The following PRTG variants were observed in gnomAD, a reference collection of about 807,000 sequenced individuals.
PRTG encodes immunoglobulin superfamily, DCC subclass, member 5.
A neutral mutation model predicts 122.5 loss-of-function variants in PRTG; 67 were observed. The ratio of observed to expected loss-of-function variants is 0.55; its 90% confidence interval spans 0.45 to 0.67. PRTG has a LOEUF of 0.67. Among genes scored for constraint, PRTG ranks in the 30% least tolerant of loss-of-function variants. The probability of loss-of-function intolerance (pLI) is 0.00; values close to 1 mark genes in which losing one functional copy is unlikely to be tolerated. For synonymous variants in PRTG, 554 were observed against 501.1 expected (o/e 1.11, Z -1.41); for missense variants, 1,435 against 1,415.4 (o/e 1.01, Z -0.22).
At chr15:55,638,332 C>T (rs535278173) in intron 14 of PRTG, among the ~76,000 whole-genome samples, 2 of 151,952 alleles carry the variant, frequency 1.3e-5, no homozygotes, top group East Asian at 1.9e-4. Context: ...TAAATTTAAG[C>T]CTACGTGCTT....
intron 17 of PRTG, among the ~76,000 whole-genome samples, chr15:55,626,434 C>G (rs1380550924): frequency 7.0e-6 from 1 of 143,302 alleles, no homozygotes; most frequent in Non-Finnish European, 1.5e-5. Flanking sequence ...GACACTAGTC[C>G]TCATTTAAGA....
At chr15:55,689,977 G>A (rs2059591730) in intron 2 of PRTG, among the ~76,000 whole-genome samples, 1 of 151,418 alleles carries the variant, frequency 6.6e-6, no homozygotes, top group South Asian at 2.1e-4. Context: ...AAACCAAACT[G>A]TTTTTATGGC....
chr15:55,620,250 G>A lies in PRTG; in HGVS notation c.3215C>T (p.Thr1072Ile). Residue 1072 changes from threonine to isoleucine, a missense_variant, in exon 20 of 20, where the codon ACT (threonine) becomes ATT (isoleucine). Physicochemically the swap from Thr to Ile is moderately conservative, Grantham distance 89. Coordinates refer to ENST00000389286, the MANE Select transcript of PRTG (RefSeq NM_173814.6). ...TGGCTGGTAAAAGCAGACCGCTGGA[G>A]TAAATCTTCTTTGAGGCTAGGCAAA... ...IQVEQPQRRF[T>I]PAVCFYQPGT... The A allele has an allele frequency of 6.2e-7, 1 of 1,613,964 alleles. No individual in the cohort carries two copies. The highest frequency in any genetic ancestry group is 1.3e-5 in the African/African-American group (1 of 75,026).
chr15:55,713,005 G>A (rs1331046273), intron 2 of PRTG, among the ~76,000 whole-genome samples: 4 of 152,044 alleles, frequency 2.6e-5, no homozygotes, highest in Non-Finnish European at 5.9e-5. Context: ...ATAGCACTTC[G>A]CAATATTTGT....
chr15:55,693,458 G>GA (rs112499083), intron 2 of PRTG, among the ~76,000 whole-genome samples: 176 of 126,476 alleles, frequency 1.4e-3, no homozygotes, highest in Middle Eastern at 8.0e-3. Context: ...CTCCGTCTCA[G>GA]AAAAAAAAAA....
At chr15:55,636,154 G>T (rs1326259708) in intron 15 of PRTG, among the ~76,000 whole-genome samples, 1 of 151,218 alleles carries the variant, frequency 6.6e-6, no homozygotes, top group East Asian at 1.9e-4. Flanking sequence ...TATGATAAAA[G>T]TATGCAGTAA....
At chr15:55,726,159 T>C (rs1205960249) in intron 2 of PRTG, among the ~76,000 whole-genome samples, 1 of 152,186 alleles carries the variant, frequency 6.6e-6, no homozygotes, top group Non-Finnish European at 1.5e-5. Flanking sequence ...GCCAAGATTG[T>C]GTCAATCTTT....
intron 2 of PRTG, among the ~76,000 whole-genome samples, chr15:55,733,834 A>G (rs887304301): frequency 5.9e-5 from 9 of 152,182 alleles, no homozygotes. Flanking sequence ...CTCAACAACA[A>G]AAACAACAAC....
chr15:55,663,254 A>G lies in PRTG; in HGVS notation c.2041+9191T>C, dbSNP rs73423322. Among the ~76,000 whole-genome samples, 943 of 152,298 alleles carry G rather than the reference A, an allele frequency of 6.2e-3. 10 individuals are homozygous for G. Among genetic ancestry groups the G allele is most frequent in the African/African-American group, 0.022 (911 of 41,570 alleles). ...TCATGGAGGTCAAGTGACTTTACCA[A>G]TATCACAGTCTTAGCGGGCTGGAGA... On this transcript the variant is annotated intron_variant, in intron 11 of 19. Coordinates refer to ENST00000389286, the MANE Select transcript of PRTG (RefSeq NM_173814.6).
At chr15:55,730,718 T>C (rs933374338) in intron 2 of PRTG, among the ~76,000 whole-genome samples, 3 of 152,116 alleles carry the variant, frequency 2.0e-5, no homozygotes, top group Non-Finnish European at 4.4e-5. Flanking sequence ...GAGAATGGCA[T>C]GCACCCGGGA....
intron 18 of PRTG, among the ~76,000 whole-genome samples, chr15:55,622,818 G>C (rs114708002): frequency 0.024 from 3,657 of 152,138 alleles, 151 homozygotes; most frequent in African/African-American, 0.081. Flanking sequence ...TTACAGGCGT[G>C]AACCACCGCA....
intron 11 of PRTG, among the ~76,000 whole-genome samples, chr15:55,654,025 G>C (rs768598616): frequency 6.6e-6 from 1 of 152,174 alleles, no homozygotes; most frequent in Non-Finnish European, 1.5e-5. Context: ...CCTGAACTTT[G>C]CTATAAGTGA....
At chr15:55,682,234 C>T (rs1486023440) in intron 4 of PRTG, 130 bp downstream of exon 4, 2 of 751,238 alleles carry the variant, frequency 2.7e-6, no homozygotes, top group Non-Finnish European at 3.7e-6. Flanking sequence ...TAAAAATGAC[C>T]ATTTTCCAAA....
At chr15:55,631,310 T>C (rs1340616179) in intron 15 of PRTG, among the ~76,000 whole-genome samples, 1 of 152,206 alleles carries the variant, frequency 6.6e-6, no homozygotes. Flanking sequence ...CACAAACAGA[T>C]ATAAATAAAT....
At chr15:55,625,944 G>T (rs2059192433) in intron 17 of PRTG, among the ~76,000 whole-genome samples, 1 of 151,954 alleles carries the variant, frequency 6.6e-6, no homozygotes, top group South Asian at 2.1e-4. Flanking sequence ...GTAGAGATAA[G>T]ATCTCACTAT....
rs368146161 is a variant in PRTG, at chr15:55,620,019, T to C, written c.3446A>G (p.Asn1149Ser). The C allele has an allele frequency of 2.4e-5, 39 of 1,613,806 alleles. No homozygotes were observed. Among genetic ancestry groups the C allele is most frequent in the Non-Finnish European group, 3.3e-5 (39 of 1,179,920 alleles). The change falls in exon 20 of 20, where the codon AAC becomes AGC. Residue 1149 changes from asparagine to serine, a missense_variant. Asn to Ser is a conservative substitution (Grantham distance 46). Coordinates refer to ENST00000389286, the MANE Select transcript of PRTG (RefSeq NM_173814.6). The stretch of plus-strand genomic sequence containing the variant: ...TCACTGCCAGTGAAAGAATCAGAGG[T>C]TGGGGGGTGTGGTACTTATAACTGA... ...LSSVISTTPP[N>S]L
At chr15:55,625,463 T>G (rs2059189388) in intron 17 of PRTG, among the ~76,000 whole-genome samples, 1 of 151,994 alleles carries the variant, frequency 6.6e-6, no homozygotes, top group Non-Finnish European at 1.5e-5. Context: ...TTCTTTTTTT[T>G]TTTTTAGACA....
rs188807606 is a variant in PRTG, at chr15:55,700,112, A to G, written c.398-16181T>C. Reference sequence around the variant, plus strand: ...AAAAGGTTAGACATATACTCTCTGTATATGTCTGTATATGTACAGAAGAGT... The same window carrying G: ...AAAAGGTTAGACATATACTCTCTGTGTATGTCTGTATATGTACAGAAGAGT... On this transcript the variant is annotated intron_variant, in intron 2 of 19. Transcript: ENST00000389286. 1.4e-4 allele frequency among the ~76,000 whole-genome samples: 22 copies of G among 152,340 alleles called. No homozygotes were observed. In the East Asian group the frequency reaches 4.0e-3, roughly 28 times the overall value.
chr15:55,652,039 T>G (rs562205188), intron 11 of PRTG, among the ~76,000 whole-genome samples: 107 of 152,214 alleles, frequency 7.0e-4, no homozygotes, highest in Non-Finnish European at 1.2e-3. Context: ...CATGCTGGGG[T>G]GGCCTAATAA....
Sources: allele counts gnomAD v4.1 joint callset (sites outside exome capture counted in the v4.1 genomes callset), GRCh38; gene constraint gnomAD v4.1.1; transcripts MANE v1.5; gene names NCBI Gene and HGNC (gene_info 2026-07-23, HGNC 2026-07-21).